The following TMPRSS6 variants were observed in gnomAD, a reference collection of about 807,000 sequenced individuals.
TMPRSS6 encodes transmembrane protease serine 6.
TMPRSS6 carries 67 observed loss-of-function variants against 101.5 expected under a neutral mutation model. The observed-to-expected ratio is 0.66, with a 90% CI of 0.54 to 0.81. The LOEUF (loss-of-function observed/expected upper bound fraction) is 0.81. Among genes scored for constraint, TMPRSS6 ranks in the 30% least tolerant of loss-of-function variants. TMPRSS6 has a pLI of 0.00. For synonymous variants in TMPRSS6, 453 were observed against 464.9 expected, an observed-to-expected ratio of 0.97 and a Z score of 0.33; for missense variants, 1,034 against 1,088.7, an observed-to-expected ratio of 0.95 and a Z score of 0.71.
chr22:37,078,039 G>A (rs855788), intron 10 of TMPRSS6, among the ~76,000 whole-genome samples: 75,909 of 152,086 alleles, frequency 0.5, 22,039 homozygotes, highest in African/African-American at 0.82. Context: ...GCAGGTTTTG[G>A]TGTCTGTTTG....
At chr22:37,067,675 T>C (rs1926434498) in intron 16 of TMPRSS6, among the ~76,000 whole-genome samples, 1 of 152,140 alleles carries the variant, frequency 6.6e-6, no homozygotes, top group Non-Finnish European at 1.5e-5. Flanking sequence ...AACTCTGCAG[T>C]CTGCCCTAGC....
chr22:37,090,588 A>G (rs969517338), intron 6 of TMPRSS6, among the ~76,000 whole-genome samples: 1 of 152,198 alleles, frequency 6.6e-6, no homozygotes, highest in Non-Finnish European at 1.5e-5. Flanking sequence ...GCCTTCCCTC[A>G]CTGTCTCGCT....
chr22:37,093,384 C>CT (rs67659825), intron 6 of TMPRSS6, among the ~76,000 whole-genome samples: 1,569 of 82,558 alleles, frequency 0.019, 99 homozygotes, highest in East Asian at 0.026. Flanking sequence ...TTCTTTCTTT[C>CT]TTTTTTTTTT....
intron 8 of TMPRSS6, among the ~76,000 whole-genome samples, chr22:37,085,763 G>A (rs1319750931): frequency 6.6e-6 from 1 of 152,164 alleles, no homozygotes; most frequent in Non-Finnish European, 1.5e-5. Context: ...GCCTGGCTGT[G>A]CTGCCATCAC....
At chr22:37,106,428 G>A (rs1458144450) in intron 1 of TMPRSS6, among the ~76,000 whole-genome samples, 3 of 152,090 alleles carry the variant, frequency 2.0e-5, no homozygotes, top group Non-Finnish European at 4.4e-5. Flanking sequence ...TCTCTATGCA[G>A]ATTTTGCCTC....
intron 5 of TMPRSS6, 152 bp from the exon 6 acceptor site, chr22:37,095,744 C>A: frequency 8.0e-7 from 1 of 1,250,074 alleles, no homozygotes; most frequent in Non-Finnish European, 1.1e-6. Flanking sequence ...TCTTTCCTGG[C>A]TCCTTGAATG....
At position 37,069,173 on chromosome 22, in the gene TMPRSS6, G is replaced by A; in HGVS notation, c.2013C>T (p.Arg671=). 1 of 1,589,200 alleles carries A rather than the reference G, an allele frequency of 6.3e-7. No individual in the cohort carries two copies. The highest frequency in any genetic ancestry group is 8.6e-7 in the Non-Finnish European group (1 of 1,169,070). ...GGCAGACGGGGCGCACGGCGGCCGAGCGCACCACCGGGTGGTCGAGCTGCA... is the reference window on the plus strand; with the variant it reads ...GGCAGACGGGGCGCACGGCGGCCGAACGCACCACCGGGTGGTCGAGCTGCA... ...ALLQLDHPVV[R]SAAVRPVCLP... is the part of the protein sequence containing the mutation. The change falls in exon 16 of 18, where the codon CGC becomes CGT. Residue 671 remains arginine (R), a synonymous_variant. Transcript: ENST00000676104. This position sits in a 1 kb window ranked among gnomAD's most constrained non-coding sequence, Gnocchi z 4.8.
intron 10 of TMPRSS6, among the ~76,000 whole-genome samples, chr22:37,077,198 C>A (rs1272141161): frequency 6.6e-6 from 1 of 152,014 alleles, no homozygotes; most frequent in Admixed American, 6.6e-5. Flanking sequence ...TGCTCTCATC[C>A]CATTTTACAG....
At chr22:37,088,452 AAAGT>A (rs1293442440) in intron 7 of TMPRSS6, among the ~76,000 whole-genome samples, 10 of 152,288 alleles carry the variant, frequency 6.6e-5, no homozygotes, top group African/African-American at 2.4e-4. Context: ...CGCCCAGCAC[AAAGT>A]AAGTGCTCAA....
intron 12 of TMPRSS6, 137 bp downstream of exon 12, chr22:37,074,473 G>A (rs1289265770): frequency 2.4e-6 from 2 of 841,850 alleles, no homozygotes; most frequent in African/African-American, 3.4e-5. Flanking sequence ...CCGGCACAGT[G>A]AGAGAACCCC....
At chr22:37,067,487 A>C (rs1351474560) in intron 16 of TMPRSS6, among the ~76,000 whole-genome samples, 1 of 152,100 alleles carries the variant, frequency 6.6e-6, no homozygotes, top group Non-Finnish European at 1.5e-5. Flanking sequence ...AAAAAAAGAA[A>C]AAAGAAAAAA....
At chr22:37,074,843 G>T in intron 11 of TMPRSS6, 135 bp from the exon 12 acceptor site, 2 of 954,270 alleles carry the variant, frequency 2.1e-6, no homozygotes, top group Non-Finnish European at 3.3e-6. Context: ...GTGGTCCTGG[G>T]CACCTGTGTA....
rs114985147 is a variant in TMPRSS6, at chr22:37,072,918, G to A, written c.1555+614C>T. ...ATGGATGGATGGATAGATGGATGAT[G>A]TATGGATGGATGATGGACAGATGGA... On this transcript the variant is annotated intron_variant, in intron 13 of 17. Transcript: ENST00000676104. 3.4e-3 allele frequency among the ~76,000 whole-genome samples: 514 copies of A among 149,898 alleles called. 4 individuals are homozygous for A. The highest frequency in any genetic ancestry group is 0.012 in the African/African-American group (497 of 40,656).
At chr22:37,072,678 A>G (rs1256246116) in intron 13 of TMPRSS6, among the ~76,000 whole-genome samples, 8 of 122,742 alleles carry the variant, frequency 6.5e-5, no homozygotes, top group South Asian at 2.7e-4. Context: ...GGATGGATGG[A>G]TGATGGATGG....
At chr22:37,108,280 G>A (rs765956314) in intron 1 of TMPRSS6, among the ~76,000 whole-genome samples, 3 of 152,088 alleles carry the variant, frequency 2.0e-5, no homozygotes, top group Admixed American at 6.5e-5. Flanking sequence ...TCCCAACCTG[G>A]CCAGCTCTTA....
chr22:37,079,709 CAG>C (rs1037138271), intron 10 of TMPRSS6, among the ~76,000 whole-genome samples: 9 of 152,254 alleles, frequency 5.9e-5, no homozygotes, highest in Non-Finnish European at 7.3e-5. Context: ...ATTTGTAAAA[CAG>C]GGGTGATCGT....
In TMPRSS6 at chr22:37,103,240, C is replaced by T; in HGVS notation, c.178G>A (p.Gly60Arg). 1 of 1,614,066 alleles carries T rather than the reference C, an allele frequency of 6.2e-7. No homozygotes were observed. Among genetic ancestry groups the T allele is most frequent in the Middle Eastern group, 1.7e-4 (1 of 6,060 alleles). ...LLALLVLASA[G>R]VLLWYFLGYK... is the part of the protein sequence containing the mutation. ...CCTAGGAAATACCAGAGTAGCACCC[C>T]CGCCGAAGCCAGCACGAGCAGGGCC... Residue 60 changes from glycine (G) to arginine (R), a missense_variant, in exon 2 of 18, where the codon GGG becomes AGG. Coordinates refer to ENST00000676104, the MANE Select transcript of TMPRSS6 (RefSeq NM_001374504.1). The surrounding 1 kb of genome is among the most constrained non-coding windows in gnomAD (Gnocchi z 4.4).
intron 6 of TMPRSS6, among the ~76,000 whole-genome samples, chr22:37,093,764 TG>T (rs1963732172): frequency 6.6e-6 from 1 of 151,382 alleles, no homozygotes. Flanking sequence ...GGCTCACACC[TG>T]TAATCCCAGC....
In TMPRSS6 at chr22:37,065,914, C is replaced by T; in HGVS notation, c.*166G>A. ...CTGCTGGCACTTCTCCATCCTCCTGCCATCACTGGAGCAGACATCAGGGAC... is the reference window on the plus strand; with the variant it reads ...CTGCTGGCACTTCTCCATCCTCCTGTCATCACTGGAGCAGACATCAGGGAC... On this transcript the variant is annotated 3_prime_UTR_variant, in exon 18 of 18. Coordinates refer to ENST00000676104, the MANE Select transcript of TMPRSS6 (RefSeq NM_001374504.1). 1.1e-6 allele frequency: 1 copy of T among 870,200 alleles called. No individual in the cohort carries two copies. Among genetic ancestry groups the T allele is most frequent in the East Asian group, 2.6e-5 (1 of 37,738 alleles). 53.9% of individuals were successfully genotyped at this position (870,200 alleles called of 1,614,324 possible). A position where few individuals can be genotyped will look rare whatever the true frequency, so the allele number is the denominator to read the frequency against.
Sources: allele counts gnomAD v4.1 joint callset (sites outside exome capture counted in the v4.1 genomes callset), GRCh38; gene constraint gnomAD v4.1.1; non-coding constraint Gnocchi (gnomAD v3.1); transcripts MANE v1.5; gene names NCBI Gene and HGNC (gene_info 2026-07-23, HGNC 2026-07-21).